The following KCNJ3 variants were observed in gnomAD, a reference collection of about 807,000 sequenced individuals.
KCNJ3 encodes the protein potassium inwardly rectifying channel subfamily J member 3, also known as G protein-activated inward rectifier potassium channel 1.
A neutral mutation model predicts 39.2 loss-of-function variants in KCNJ3; 4 were observed. That is an observed-to-expected ratio of 0.10 (90% CI 0.05 to 0.23). The LOEUF (loss-of-function observed/expected upper bound fraction) is 0.23. Ranked by LOEUF, KCNJ3 falls within the 10% of genes least tolerant of loss-of-function variation. The pLI is 1.00. For synonymous variants in KCNJ3, 230 were observed against 237.4 expected, an observed-to-expected ratio of 0.97 and a Z score of 0.29; for missense variants, 276 against 634.9, an observed-to-expected ratio of 0.43 and a Z score of 6.08.
At chr2:154,732,665 T>C (rs1685466400) in intron 2 of KCNJ3, among the ~76,000 whole-genome samples, 1 of 152,138 alleles carries the variant, frequency 6.6e-6, no homozygotes, top group Non-Finnish European at 1.5e-5. Flanking sequence ...ATACCTTTTG[T>C]TTACTCACAC....
chr2:154,805,459 CCTT>C lies in KCNJ3; in HGVS notation c.920-49265_920-49263del, dbSNP rs148255174. On this transcript the variant is annotated intron_variant, in intron 2 of 2. Transcript: ENST00000295101. ...AATGATTTTAAATTTGCTTTTCTCT[CCTT>C]CTGGTTAATTATTGAATGGTAGTGC... is the stretch of plus-strand genomic sequence containing the variant. Among the ~76,000 whole-genome samples, 1,388 of 152,182 alleles carry C rather than the reference CCTT, an allele frequency of 9.1e-3. 58 individuals carry two copies. The highest frequency in any genetic ancestry group is 0.065 in the Admixed American group (985 of 15,250).
chr2:154,701,905 TG>T (rs1307913982), intron 1 of KCNJ3, among the ~76,000 whole-genome samples: 1 of 151,996 alleles, frequency 6.6e-6, no homozygotes, highest in Non-Finnish European at 1.5e-5. Flanking sequence ...CCTGTAGGCA[TG>T]GTAATTTAAA....
intron 2 of KCNJ3, among the ~76,000 whole-genome samples, chr2:154,819,865 A>T (rs1316711011): frequency 6.6e-6 from 1 of 151,952 alleles, no homozygotes; most frequent in Non-Finnish European, 1.5e-5. Flanking sequence ...CTTAAGTTTA[A>T]GTTTAACATG....
chr2:154,729,422 T>C (rs11895336), intron 2 of KCNJ3, among the ~76,000 whole-genome samples: 28,186 of 152,144 alleles, frequency 0.19, 3,949 homozygotes, highest in African/African-American at 0.39. Context: ...CACAGTCATT[T>C]AATTAAGTTC....
chr2:154,722,891 G>GT (rs1312041177), intron 2 of KCNJ3, among the ~76,000 whole-genome samples: 1 of 152,182 alleles, frequency 6.6e-6, no homozygotes, highest in Non-Finnish European at 1.5e-5. Context: ...CTCAAAGTAT[G>GT]TAACATTTAA....
At chr2:154,713,434 T>C (rs747901589) in intron 2 of KCNJ3, among the ~76,000 whole-genome samples, 9 of 152,160 alleles carry the variant, frequency 5.9e-5, no homozygotes, top group Non-Finnish European at 1.2e-4. Context: ...AAGAATCTTC[T>C]CATTTCATTT....
chr2:154,768,594 G>C (rs1686177545), intron 2 of KCNJ3, among the ~76,000 whole-genome samples: 1 of 152,176 alleles, frequency 6.6e-6, no homozygotes, highest in African/African-American at 2.4e-5. Flanking sequence ...CTGTAGCCTT[G>C]TAGTATAGTT....
chr2:154,709,067 A>T (rs1464191111), intron 1 of KCNJ3, among the ~76,000 whole-genome samples: 1 of 152,076 alleles, frequency 6.6e-6, no homozygotes, highest in East Asian at 1.9e-4. Flanking sequence ...GAACATCTTC[A>T]CTCTTCTATT....
chr2:154,804,082 G>A (rs13416581), intron 2 of KCNJ3, among the ~76,000 whole-genome samples: 15 of 151,998 alleles, frequency 9.9e-5, no homozygotes, highest in Non-Finnish European at 1.2e-4. Context: ...GTCCTAAAAT[G>A]TTATTGGCTA....
chr2:154,735,599 T>C (rs377462514), intron 2 of KCNJ3, among the ~76,000 whole-genome samples: 1 of 152,218 alleles, frequency 6.6e-6, no homozygotes, highest in African/African-American at 2.4e-5. Flanking sequence ...AATATAATTT[T>C]CTCGACTTAT....
intron 2 of KCNJ3, among the ~76,000 whole-genome samples, chr2:154,782,764 C>A (rs1427432282): frequency 6.6e-6 from 1 of 152,126 alleles, no homozygotes; most frequent in Non-Finnish European, 1.5e-5. Flanking sequence ...CTATCCCTAC[C>A]TTGTTTATTT....
chr2:154,844,346 G>A (rs1687630414), intron 2 of KCNJ3, among the ~76,000 whole-genome samples: 1 of 152,106 alleles, frequency 6.6e-6, no homozygotes, highest in African/African-American at 2.4e-5. Flanking sequence ...CAACCGCCTA[G>A]TGAGGTGTCT....
At chr2:154,852,792 T>A (rs554335960) in intron 2 of KCNJ3, among the ~76,000 whole-genome samples, 5 of 152,254 alleles carry the variant, frequency 3.3e-5, no homozygotes, top group Admixed American at 6.5e-5. Context: ...TTACACTTAA[T>A]GTTTTAAAAC....
intron 2 of KCNJ3, among the ~76,000 whole-genome samples, chr2:154,843,551 C>T (rs547327561): frequency 3.9e-5 from 6 of 152,304 alleles, no homozygotes; most frequent in Admixed American, 2.0e-4. Context: ...TGGTTCCATT[C>T]TCCCCATCAC....
chr2:154,842,662 T>C (rs1687594679), intron 2 of KCNJ3, among the ~76,000 whole-genome samples: 1 of 152,228 alleles, frequency 6.6e-6, no homozygotes, highest in Non-Finnish European at 1.5e-5. Flanking sequence ...AGTTAGCTCT[T>C]CTTGTTGAAT....
chr2:154,767,508 C>G (rs535456963), intron 2 of KCNJ3, among the ~76,000 whole-genome samples: 1 of 152,142 alleles, frequency 6.6e-6, no homozygotes, highest in Non-Finnish European at 1.5e-5. Context: ...CTACAAAGGA[C>G]GTGAACTCAT....
At chr2:154,774,656 C>T (rs891044538) in intron 2 of KCNJ3, among the ~76,000 whole-genome samples, 2 of 151,970 alleles carry the variant, frequency 1.3e-5, no homozygotes, top group South Asian at 2.1e-4. Context: ...AGTGGGAACA[C>T]TCTATTCTGT....
chr2:154,712,033 T>C (rs1004868438), intron 2 of KCNJ3, among the ~76,000 whole-genome samples: 4 of 152,166 alleles, frequency 2.6e-5, no homozygotes, highest in African/African-American at 9.6e-5. Flanking sequence ...TTAAACCTGT[T>C]TTCTAGATCT....
intron 2 of KCNJ3, among the ~76,000 whole-genome samples, chr2:154,819,778 C>T (rs1687140188): frequency 6.6e-6 from 1 of 151,986 alleles, no homozygotes; most frequent in Non-Finnish European, 1.5e-5. Context: ...ATCTACCCAC[C>T]TCACCCTCCC....
Sources: allele counts gnomAD v4.1 joint callset (sites outside exome capture counted in the v4.1 genomes callset), GRCh38; gene constraint gnomAD v4.1.1; transcripts MANE v1.5; gene names NCBI Gene and HGNC (gene_info 2026-07-23, HGNC 2026-07-21).